Variants in SLC12A8 observed in about 807,000 individuals in gnomAD.
The protein encoded by SLC12A8 is cation-chloride cotransporter 9.
A neutral mutation model predicts 75.6 loss-of-function variants in SLC12A8; 69 were observed. That is an observed-to-expected ratio of 0.91 (90% CI 0.75 to 1.11). The LOEUF is 1.11. SLC12A8 is among the 50% of genes most tolerant of loss of function. The pLI is 0.00. For synonymous variants in SLC12A8, 365 were observed against 372.8 expected, an observed-to-expected ratio of 0.98 and a Z score of 0.24; for missense variants, 877 against 896.7, an observed-to-expected ratio of 0.98 and a Z score of 0.28.
intron 7 of SLC12A8, among the ~76,000 whole-genome samples, chr3:125,120,308 G>T (rs1386306185): frequency 6.6e-6 from 1 of 151,664 alleles, no homozygotes; most frequent in African/African-American, 2.4e-5. Flanking sequence ...AATGGGGGTG[G>T]GGGAGGGACG....
At chr3:125,117,116 A>C (rs900276828) in intron 8 of SLC12A8, among the ~76,000 whole-genome samples, 10 of 152,184 alleles carry the variant, frequency 6.6e-5, no homozygotes, top group African/African-American at 2.4e-4. Flanking sequence ...GAAAACAAAT[A>C]ATCACCTTTG....
intron 5 of SLC12A8, among the ~76,000 whole-genome samples, chr3:125,166,695 A>T (rs970395237): frequency 1.3e-5 from 2 of 152,240 alleles, no homozygotes; most frequent in Admixed American, 1.3e-4. Context: ...TCTCCCTTGC[A>T]CGAAGAACAG....
intron 6 of SLC12A8, among the ~76,000 whole-genome samples, chr3:125,133,433 C>G (rs765423597): frequency 6.6e-6 from 1 of 151,798 alleles, no homozygotes; most frequent in Admixed American, 6.6e-5. Context: ...AGTATCATGG[C>G]GTGACCAAAG....
In SLC12A8 at chr3:125,110,315, C is replaced by A; in HGVS notation, c.933G>T (p.Leu311=). ...IAEKVSLMGF[L]FLLGLYISSL... ...ACGAGATGTATAAGCCCAAAAGGAA[C>A]AGGAAGCCCATGAGGGATACCTGTG... Residue 311 remains leucine, a synonymous_variant, in exon 9 of 14, where the codon CTG becomes CTT. Transcript: ENST00000469902. 6.2e-7 allele frequency: 1 copy of A among 1,613,852 alleles called. No individual in the cohort carries two copies. The highest frequency in any genetic ancestry group is 8.5e-7 in the Non-Finnish European group (1 of 1,179,868).
At chr3:125,145,917 TC>T (rs1933760300) in intron 5 of SLC12A8, among the ~76,000 whole-genome samples, 1 of 152,176 alleles carries the variant, frequency 6.6e-6, no homozygotes, top group African/African-American at 2.4e-5. Context: ...AGCCTCCACC[TC>T]CCACGGCTCA....
chr3:125,202,897 G>T (rs991152656), intron 2 of SLC12A8, among the ~76,000 whole-genome samples: 9 of 151,956 alleles, frequency 5.9e-5, no homozygotes, highest in Admixed American at 3.3e-4. Flanking sequence ...AGACCAGCCT[G>T]CCCAACATGG....
At chr3:125,114,430 G>T (rs534613648) in intron 8 of SLC12A8, among the ~76,000 whole-genome samples, 1 of 152,160 alleles carries the variant, frequency 6.6e-6, no homozygotes, top group Admixed American at 6.5e-5. Context: ...TTTTAGGGGG[G>T]TTTTGTATTT....
Position 125,082,987 on chromosome 3 carries a change from T to G in SLC12A8, c.*903A>C, listed in dbSNP as rs1938364479. On this transcript the variant is annotated 3_prime_UTR_variant, in exon 14 of 14. Coordinates refer to ENST00000469902, the MANE Select transcript of SLC12A8 (RefSeq NM_024628.6). ...AACATGTGTATAACGTGCTAACTTTTGTGTATAAAGAGAGAATGTGAGACT... is the reference window on the plus strand; with the variant it reads ...AACATGTGTATAACGTGCTAACTTTGGTGTATAAAGAGAGAATGTGAGACT... 1 of 152,208 alleles carries G rather than the reference T, an allele frequency of 6.6e-6. No homozygotes were observed. The highest frequency in any genetic ancestry group is 1.5e-5 in the Non-Finnish European group (1 of 68,038). 9.4% of individuals were successfully genotyped at this position (152,208 alleles called of 1,614,324 possible).
chr3:125,114,563 T>C (rs1291246248), intron 8 of SLC12A8, among the ~76,000 whole-genome samples: 1 of 152,204 alleles, frequency 6.6e-6, no homozygotes, highest in African/African-American at 2.4e-5. Context: ...TAGCTGGAAC[T>C]ACAGGCATGC....
At chr3:125,184,782 A>G (rs998067755) in intron 4 of SLC12A8, among the ~76,000 whole-genome samples, 3 of 151,776 alleles carry the variant, frequency 2.0e-5, no homozygotes, top group Admixed American at 2.0e-4. Context: ...AGAAGGAATC[A>G]ATAAAGGTCA....
intron 5 of SLC12A8, among the ~76,000 whole-genome samples, chr3:125,137,369 G>A (rs1037792342): frequency 6.6e-6 from 1 of 152,190 alleles, no homozygotes; most frequent in African/African-American, 2.4e-5. Context: ...CCCAAGTGCT[G>A]TACAACTTTT....
In SLC12A8 at chr3:125,083,782, G is replaced by T; in HGVS notation, c.*108C>A. 9.4e-7 allele frequency: 1 copy of T among 1,060,964 alleles called. No individual in the cohort carries two copies. The highest frequency in any genetic ancestry group is 1.3e-6 in the Non-Finnish European group (1 of 745,324). 65.7% of individuals were successfully genotyped at this position (1,060,964 alleles called of 1,614,324 possible). A position where few individuals can be genotyped will look rare whatever the true frequency, so the allele number is the denominator to read the frequency against. ...TCCATTGTCCAAAGTGACAGCGGGAGGATGGGTCTTGAGTTTCTCAGGTTG... is the reference window on the plus strand; with the variant it reads ...TCCATTGTCCAAAGTGACAGCGGGATGATGGGTCTTGAGTTTCTCAGGTTG... On this transcript the variant is annotated 3_prime_UTR_variant, in exon 14 of 14. Transcript: ENST00000469902.
rs754266251 is a variant in SLC12A8 at position 125,084,029 on chromosome 3, T to A, written c.2006A>T (p.Gln669Leu). ...SCRSLRSPQE[Q>L]IILAPSLAKV... ...AGCCAGGGACGGCGCCAAGATGATC[T>A]GCTCCTGAGGGGACCGCAAGCTCCT... Residue 669 changes from glutamine to leucine, a missense_variant, in exon 14 of 14, where the codon CAG (glutamine) becomes CTG (leucine). By Grantham distance (113) the Gln-to-Leu change is moderately radical (BLOSUM62 -2). Coordinates refer to ENST00000469902, the MANE Select transcript of SLC12A8 (RefSeq NM_024628.6). 18 of 1,612,422 alleles carry A rather than the reference T, an allele frequency of 1.1e-5. No homozygotes were observed. Among genetic ancestry groups the A allele is most frequent in the Middle Eastern group, 1.6e-4 (1 of 6,084 alleles).
At chr3:125,178,002 C>T in intron 4 of SLC12A8, 28 bp from the exon 5 acceptor site, 4 of 1,589,690 alleles carry the variant, frequency 2.5e-6, no homozygotes, top group African/African-American at 1.3e-5. Flanking sequence ...GTAGAAGAGT[C>T]AGCAGGACAG....
At chr3:125,141,702 G>C (rs1048118522) in intron 5 of SLC12A8, among the ~76,000 whole-genome samples, 1 of 150,458 alleles carries the variant, frequency 6.6e-6, no homozygotes, top group African/African-American at 2.5e-5. Flanking sequence ...GCGGGCTGCG[G>C]GCTGCTGCCG....
chr3:125,197,490 C>T (rs118106565), intron 2 of SLC12A8, among the ~76,000 whole-genome samples: 2,933 of 152,226 alleles, frequency 0.019, 47 homozygotes, highest in East Asian at 0.053. Context: ...CAGAGTTTTG[C>T]GCTGTTGCCC....
intron 5 of SLC12A8, among the ~76,000 whole-genome samples, chr3:125,136,297 G>C (rs1933492121): frequency 6.6e-6 from 1 of 152,012 alleles, no homozygotes; most frequent in Admixed American, 6.6e-5. Context: ...CCTGAGGAAG[G>C]CCACCCACAC....
intron 5 of SLC12A8, among the ~76,000 whole-genome samples, chr3:125,150,295 T>G (rs921671192): frequency 6.6e-6 from 1 of 152,180 alleles, no homozygotes; most frequent in Non-Finnish European, 1.5e-5. Context: ...CACCTTCTCC[T>G]GGTTACTACC....
At chr3:125,211,221 G>T in intron 2 of SLC12A8, 78 bp downstream of exon 2, 2 of 1,184,706 alleles carry the variant, frequency 1.7e-6, no homozygotes, top group Non-Finnish European at 2.5e-6. Context: ...GCGCTGTAAT[G>T]TTTGCATCCA....
Sources: gnomAD v4.1 joint callset for allele counts (sites outside exome capture counted in the v4.1 genomes callset) on GRCh38, gnomAD v4.1.1 for gene constraint, MANE v1.5 for transcripts, NCBI Gene and HGNC (gene_info 2026-07-23, HGNC 2026-07-21) for gene names.